Variants in REN observed in about 807,000 individuals in gnomAD.
REN encodes the protein angiotensin-forming enzyme.
REN carries 42 observed loss-of-function variants against 48.6 expected under a neutral mutation model. That is an observed-to-expected ratio of 0.86 (90% CI 0.68 to 1.12). The LOEUF is 1.12. REN is among the 50% of genes most tolerant of loss of function. The pLI is 0.00. For missense variants in REN, 443 were observed against 527.3 expected, an observed-to-expected ratio of 0.84 and a Z score of 1.57; for synonymous variants, 196 against 204.6, an observed-to-expected ratio of 0.96 and a Z score of 0.36.
chr1:204,155,799 G>T, intron 9 of REN, 21 bp downstream of exon 9: 1 of 1,585,926 alleles, frequency 6.3e-7, no homozygotes, highest in Non-Finnish European at 8.6e-7. Flanking sequence ...CTGCCACCGA[G>T]GGGGCCGACT....
At chr1:204,158,011 A>G (rs1658178458) in intron 5 of REN, among the ~76,000 whole-genome samples, 1 of 151,788 alleles carries the variant, frequency 6.6e-6, no homozygotes, top group Non-Finnish European at 1.5e-5. Context: ...CTTTCTTTCC[A>G]TTGGCTTCTT....
At position 204,154,932 on chromosome 1, in the gene REN, A is replaced by C; in HGVS notation, c.*84T>G. 6.6e-7 allele frequency: 1 copy of C among 1,522,404 alleles called. No homozygotes were observed. Among genetic ancestry groups the C allele is most frequent in the South Asian group, 1.1e-5 (1 of 87,812 alleles). The allele number at this position is 1,522,404 out of a possible 1,614,324, so 94.3% of individuals were successfully genotyped here. On this transcript the variant is annotated 3_prime_UTR_variant, in exon 10 of 10. Transcript: ENST00000272190. The stretch of plus-strand genomic sequence containing the variant: ...ATCCAATGTCTCCATCTGAGGGCAT[A>C]AGCCCAGGCAGAGGGGCATCTCAGA...
intron 1 of REN, among the ~76,000 whole-genome samples, chr1:204,165,922 C>T (rs1658341680): frequency 6.6e-6 from 1 of 152,102 alleles, no homozygotes; most frequent in Admixed American, 6.5e-5. Context: ...GCTGTGAGCT[C>T]CTCAAGTGCA....
rs1441922750 is a variant in REN at position 204,156,376 on chromosome 1, G to A, written c.819-57C>T. The A allele has an allele frequency of 7.7e-6, 10 of 1,298,276 alleles. No individual in the cohort carries two copies. In the East Asian group the frequency reaches 1.1e-4, roughly 15 times the overall value. The allele number at this position is 1,298,276 out of a possible 1,614,324, so 80.4% of individuals were successfully genotyped here. On this transcript the variant is annotated intron_variant, in intron 7 of 9. Coordinates refer to ENST00000272190, the MANE Select transcript of REN (RefSeq NM_000537.4). The surrounding 1 kb of genome is among the most constrained non-coding windows in gnomAD (Gnocchi z 4.2). ...GACAGACAGACAGAAGGCTGATGGG[G>A]CACCTCCAGGCTGCATGTCCTTCCT...
chr1:204,160,579 A>G lies in REN; in HGVS notation c.473T>C (p.Leu158Pro). ...RYSTGTVSGF[L>P]SQDIITVGGI... Reference sequence around the variant, plus strand: ...ACTTACGGTGATGATGTCCTGGCTGAGAAAGCCACTGACTGTCCCTGTTGA... The same window carrying G: ...ACTTACGGTGATGATGTCCTGGCTGGGAAAGCCACTGACTGTCCCTGTTGA... The change falls in exon 4 of 10, where the codon CTC becomes CCC. Residue 158 changes from leucine (L) to proline (P), a missense_variant. Leu to Pro is a moderately conservative substitution (Grantham distance 98, BLOSUM62 -3). Transcript: ENST00000272190. The G allele has an allele frequency of 6.2e-7, 1 of 1,613,700 alleles. No individual in the cohort carries two copies. The highest frequency in any genetic ancestry group is 8.5e-7 in the Non-Finnish European group (1 of 1,179,528).
chr1:204,166,311 G>C lies in REN; in HGVS notation c.-18C>G, dbSNP rs1249140441. ...CCATCCATGCTTCCCTCAGTCTGGG[G>C]CTCTCTCTGAGATCCACTGAGGTTC... is the stretch of plus-strand genomic sequence containing the variant. On this transcript the variant is annotated 5_prime_UTR_variant, in exon 1 of 10. Transcript: ENST00000272190. The C allele has an allele frequency of 1.9e-6, 3 of 1,609,706 alleles. No homozygotes were observed. Among genetic ancestry groups the C allele is most frequent in the African/African-American group, 2.7e-5 (2 of 74,932 alleles).
intron 9 of REN, 150 bp from the exon 10 acceptor site, chr1:204,155,327 A>T (rs886484697): frequency 3.8e-5 from 33 of 874,338 alleles, no homozygotes; most frequent in Non-Finnish European, 5.7e-5. Flanking sequence ...CATCATGGCC[A>T]TTTTGCCCCA....
intron 1 of REN, among the ~76,000 whole-genome samples, chr1:204,164,232 T>A (rs1444111684): frequency 6.6e-6 from 1 of 152,158 alleles, no homozygotes. Flanking sequence ...ACCCAGCAAT[T>A]ACTCTCCGAG....
In REN at chr1:204,156,673, T is replaced by G; in HGVS notation, c.818+4A>C. ...GAGCCCGGGGAGGGTTGAGGATTTC[T>G]GACCCCTTCATTTGAATCTGCCAGA... On this transcript the variant is annotated splice_donor_region_variant and intron_variant, in intron 7 of 9. Transcript: ENST00000272190. This position sits in a 1 kb window ranked among gnomAD's most constrained non-coding sequence, Gnocchi z 4.2. 2 of 1,613,450 alleles carry G rather than the reference T, an allele frequency of 1.2e-6. No homozygotes were observed. Among genetic ancestry groups the G allele is most frequent in the Non-Finnish European group, 1.7e-6 (2 of 1,179,642 alleles).
chr1:204,156,288 C>T lies in REN; in HGVS notation c.850G>A (p.Glu284Lys). 6.2e-7 allele frequency: 1 copy of T among 1,614,180 alleles called. No homozygotes were observed. Among genetic ancestry groups the T allele is most frequent in the Non-Finnish European group, 8.5e-7 (1 of 1,180,034 alleles). Residue 284 changes from glutamate to lysine, a missense_variant, in exon 8 of 10, where the codon GAA (glutamate) becomes AAA (lysine). By Grantham distance (56) the Glu-to-Lys change is moderately conservative (BLOSUM62 1). Transcript: ENST00000272190. The surrounding 1 kb of genome is among the most constrained non-coding windows in gnomAD (Gnocchi z 4.2). ...TCTACCAATGCCAGGCAGCCGTCTTCACAGAGCAAGGTGGATGACCCCACA... is the reference window on the plus strand; with the variant it reads ...TCTACCAATGCCAGGCAGCCGTCTTTACAGAGCAAGGTGGATGACCCCACA... ...VSVGSSTLLC[E>K]DGCLALVDTG...
intron 6 of REN, 24 bp downstream of exon 6, chr1:204,157,337 C>T: frequency 6.2e-7 from 1 of 1,614,190 alleles, no homozygotes. Context: ...AGGTCACAGC[C>T]ATGTGGGGGT....
At position 204,156,925 on chromosome 1, in the gene REN, A is replaced by C; in HGVS notation, c.699-129T>G. 1.7e-6 allele frequency: 2 copies of C among 1,208,846 alleles called. No individual in the cohort carries two copies. The highest frequency in any genetic ancestry group is 2.4e-6 in the Non-Finnish European group (2 of 827,544). The allele number at this position is 1,208,846 out of a possible 1,614,324, so 74.9% of individuals were successfully genotyped here. ...TCTAGAGCAGAGGAATGTGGGACAG[A>C]CAGCCAGGCTCGGAGCTGTCGTTGG... On this transcript the variant is annotated intron_variant, in intron 6 of 9. Coordinates refer to ENST00000272190, the MANE Select transcript of REN (RefSeq NM_000537.4). This position sits in a 1 kb window ranked among gnomAD's most constrained non-coding sequence, Gnocchi z 4.2.
At chr1:204,161,257 GA>G in intron 3 of REN, 34 bp downstream of exon 3, 1 of 1,567,408 alleles carries the variant, frequency 6.4e-7, no homozygotes. Context: ...AGGGCAGGGG[GA>G]TGGAGGAGAG....
intron 1 of REN, among the ~76,000 whole-genome samples, chr1:204,164,094 C>T (rs761848639): frequency 1.3e-5 from 2 of 152,222 alleles, no homozygotes; most frequent in Non-Finnish European, 2.9e-5. Context: ...ATTCCCCCTC[C>T]ACCCCTTGCC....
Position 204,162,032 on chromosome 1 carries a change from A to C in REN, c.230T>G (p.Ile77Ser), listed in dbSNP as rs574100052. The C allele has an allele frequency of 3.6e-5, 58 of 1,614,074 alleles. No homozygotes were observed. Among genetic ancestry groups the C allele is most frequent in the Non-Finnish European group, 4.5e-5 (53 of 1,180,048 alleles). ...ACTCACGTCCATGTAGTTGGTGAGG[A>C]TCACGGAGGAGGTGGTGTTGCCAAG... ...LTLGNTTSSV[I>S]LTNYMDTQYY... The change falls in exon 2 of 10, where the codon ATC becomes AGC. Residue 77 changes from isoleucine to serine, a missense_variant. Transcript: ENST00000272190.
chr1:204,162,300 G>A (rs1658261087), intron 1 of REN, 137 bp from the exon 2 acceptor site: 6 of 889,690 alleles, frequency 6.7e-6, no homozygotes, highest in East Asian at 2.6e-5. Flanking sequence ...CACCTCTGTC[G>A]CTGAGGGCCT....
intron 5 of REN, among the ~76,000 whole-genome samples, chr1:204,159,069 GCTGT>G (rs1052732648): frequency 6.6e-6 from 1 of 152,084 alleles, no homozygotes; most frequent in African/African-American, 2.4e-5. Context: ...CCAGAGTGGC[GCTGT>G]CTATTAGAAT....
chr1:204,159,448 T>A lies in REN; in HGVS notation c.640A>T (p.Ile214Phe). Residue 214 changes from isoleucine to phenylalanine, a missense_variant, in exon 5 of 10, where the codon ATC (isoleucine) becomes TTC (phenylalanine). Ile to Phe is a conservative substitution (Grantham distance 21). Transcript: ENST00000272190. ...GRVTPIFDNI[I>F]SQGVLKEDVF... ...TCCTCTTTTAGCACCCCTTGGGAGA[T>A]GATGTTGTCGAAGATAGGGGTGACC... The A allele has an allele frequency of 1.2e-6, 2 of 1,614,168 alleles. No individual in the cohort carries two copies. The highest frequency in any genetic ancestry group is 1.7e-6 in the Non-Finnish European group (2 of 1,180,028).
chr1:204,160,848 G>A (rs1315548563), intron 3 of REN, among the ~76,000 whole-genome samples, 170 bp from the exon 4 acceptor site: 2 of 152,136 alleles, frequency 1.3e-5, no homozygotes, highest in Non-Finnish European at 2.9e-5. Context: ...GGTTTCTTGG[G>A]CTCTCCTAAT....
Sources: gnomAD v4.1 joint callset for allele counts (sites outside exome capture counted in the v4.1 genomes callset) on GRCh38, gnomAD v4.1.1 for gene constraint, Gnocchi (gnomAD v3.1) non-coding constraint, MANE v1.5 for transcripts, NCBI Gene and HGNC (gene_info 2026-07-23, HGNC 2026-07-21) for gene names.